The following ITGA6 variants were observed in gnomAD, a reference collection of about 807,000 sequenced individuals.
ITGA6 encodes the protein integrin alpha-6.
Under a neutral mutation model 133.6 loss-of-function variants are expected in ITGA6, and 63 were observed. The ratio of observed to expected loss-of-function variants is 0.47; its 90% CI spans 0.38 to 0.58. ITGA6 has a LOEUF of 0.58. Among genes scored for constraint, ITGA6 ranks in the 20% least tolerant of loss-of-function variants. The pLI, the probability that ITGA6 is intolerant of heterozygous loss-of-function variation, is 0.00. For missense variants in ITGA6, 1,068 were observed against 1,309.4 expected (o/e 0.82, Z 2.85); for synonymous variants, 434 against 482.0 (o/e 0.90, Z 1.30).
At chr2:172,469,476 C>T (rs1685824615) in intron 4 of ITGA6, 96 bp downstream of exon 4, 5 of 1,118,846 alleles carry the variant, frequency 4.5e-6, no homozygotes, top group East Asian at 4.8e-5. Context: ...AGAAGACATT[C>T]GTATATTATA....
Position 172,487,039 on chromosome 2 carries a change from A to G in ITGA6, c.1871A>G (p.Glu624Gly). 2 of 1,604,602 alleles carry G rather than the reference A, an allele frequency of 1.2e-6. No homozygotes were observed. Among genetic ancestry groups the G allele is most frequent in the African/African-American group, 1.3e-5 (1 of 74,842 alleles). ...TTCCTACAGGTTCACTTCTTAAAAG[A>G]GGGATGTGGAGACGACAATGTATGT... ...TAHIDVHFLK[E>G]GCGDDNVCNS... is the part of the protein sequence containing the mutation. The change falls in exon 14 of 26, where the codon GAG becomes GGG. Residue 624 changes from glutamate to glycine, a missense_variant. This residue lies in a region of ITGA6 where 609 missense variants were observed against 707.2 expected (regional missense o/e 0.86). Coordinates refer to ENST00000684293, the MANE Select transcript of ITGA6 (RefSeq NM_000210.4).
At chr2:172,478,380 G>T (rs750804182) in intron 9 of ITGA6, among the ~76,000 whole-genome samples, 11 of 152,170 alleles carry the variant, frequency 7.2e-5, no homozygotes, top group Non-Finnish European at 1.5e-4. Flanking sequence ...CTCCAGAATG[G>T]CTGGGTTTAC....
chr2:172,453,589 C>T (rs1685095223), intron 1 of ITGA6, among the ~76,000 whole-genome samples: 1 of 152,116 alleles, frequency 6.6e-6, no homozygotes, highest in Non-Finnish European at 1.5e-5. Context: ...CTAGAGCCTT[C>T]GAAGGAGCAT....
Position 172,488,218 on chromosome 2 carries a change from A to G in ITGA6, c.2495A>G (p.Tyr832Cys), listed in dbSNP as rs1362964471. The G allele has an allele frequency of 1.2e-6, 2 of 1,610,652 alleles. No individual in the cohort carries two copies. The highest frequency in any genetic ancestry group is 2.2e-5 in the South Asian group (2 of 91,008). ...SEDEVGSLIE[Y>C]EFRVINLGKP... ...GATGAAGTGGGAAGTTTAATAGAGTATGAATTCAGGGTAAGTTGGAGCAGT... is the reference window on the plus strand; with the variant it reads ...GATGAAGTGGGAAGTTTAATAGAGTGTGAATTCAGGGTAAGTTGGAGCAGT... The change falls in exon 19 of 26, where the codon TAT becomes TGT. Residue 832 changes from tyrosine to cysteine, a missense_variant. By Grantham distance (194) the Tyr-to-Cys change is radical (BLOSUM62 -2). Around this residue, in one of 3 missense-constraint regions of ITGA6, gnomAD observed 609 missense variants for 707.2 expected, o/e 0.86. Coordinates refer to ENST00000684293, the MANE Select transcript of ITGA6 (RefSeq NM_000210.4).
intron 1 of ITGA6, among the ~76,000 whole-genome samples, chr2:172,441,712 A>G (rs1055012346): frequency 3.3e-5 from 5 of 152,028 alleles, no homozygotes; most frequent in African/African-American, 9.7e-5. Flanking sequence ...TTCCACTTGT[A>G]GAAGTTGGGA....
rs1574317330 is a variant in ITGA6 at position 172,437,937 on chromosome 2, G to A, written c.182+9967G>A. On this transcript the variant is annotated intron_variant, in intron 1 of 25. Coordinates refer to ENST00000684293, the MANE Select transcript of ITGA6 (RefSeq NM_000210.4). ...AAATGACACTTACTGAGATTTGATC[G>A]CTAGATTGGCAATGTAGAAGCCACT... Among the ~76,000 whole-genome samples, 3 of 151,674 alleles carry A rather than the reference G, an allele frequency of 2.0e-5. No homozygotes were observed. The South Asian group carries it at 6.2e-4, about 32-fold the overall frequency.
chr2:172,439,732 C>G (rs1348225514), intron 1 of ITGA6, among the ~76,000 whole-genome samples: 1 of 148,402 alleles, frequency 6.7e-6, no homozygotes, highest in African/African-American at 2.4e-5. Context: ...AACCTTTTCT[C>G]TCTAGAAGGA....
intron 19 of ITGA6, among the ~76,000 whole-genome samples, chr2:172,488,781 G>T (rs1686796884): frequency 6.6e-6 from 1 of 152,184 alleles, no homozygotes; most frequent in South Asian, 2.1e-4. Context: ...TGGCAAGCAT[G>T]GGCCCACCTG....
chr2:172,502,248 A>G (rs1195830659), intron 25 of ITGA6, among the ~76,000 whole-genome samples: 1 of 152,196 alleles, frequency 6.6e-6, no homozygotes, highest in Non-Finnish European at 1.5e-5. Flanking sequence ...GTAGCATTCC[A>G]CTAGGGAATT....
chr2:172,465,711 A>G, intron 2 of ITGA6, 48 bp downstream of exon 2: 1 of 1,613,616 alleles, frequency 6.2e-7, no homozygotes, highest in Non-Finnish European at 8.5e-7. Context: ...GCTTGCCTGT[A>G]CTGTTTCCAT....
At chr2:172,479,869 T>C in intron 10 of ITGA6, 121 bp from the exon 11 acceptor site, 2 of 1,098,492 alleles carry the variant, frequency 1.8e-6, no homozygotes, top group Admixed American at 1.7e-5. Flanking sequence ...GTCTGTCAAG[T>C]GTTTTTATAA....
chr2:172,434,045 C>G (rs1231704748), intron 1 of ITGA6, among the ~76,000 whole-genome samples: 1 of 152,162 alleles, frequency 6.6e-6, no homozygotes, highest in Non-Finnish European at 1.5e-5. Flanking sequence ...CACCTCCATC[C>G]CTAGGAGGCT....
chr2:172,431,151 TCTTGA>T (rs1684091051), intron 1 of ITGA6, among the ~76,000 whole-genome samples: 1 of 152,226 alleles, frequency 6.6e-6, no homozygotes, highest in African/African-American at 2.4e-5. Context: ...CTAGGTTTGT[TCTTGA>T]CTTTTCTCAG....
intron 24 of ITGA6, among the ~76,000 whole-genome samples, chr2:172,500,107 T>C (rs1166268865): frequency 6.6e-6 from 1 of 152,212 alleles, no homozygotes; most frequent in Non-Finnish European, 1.5e-5. Context: ...TCAATGGCCC[T>C]TAAATTGGAT....
chr2:172,453,742 G>A (rs1402522441), intron 1 of ITGA6, among the ~76,000 whole-genome samples: 1 of 152,166 alleles, frequency 6.6e-6, no homozygotes, highest in African/African-American at 2.4e-5. Flanking sequence ...ATGGTTTAAG[G>A]TTTCTCAAAG....
rs56084828 is a variant in ITGA6 at position 172,491,179 on chromosome 2, A to T, written c.2779-42A>T. On this transcript the variant is annotated intron_variant, in intron 21 of 25. Coordinates refer to ENST00000684293, the MANE Select transcript of ITGA6 (RefSeq NM_000210.4). This position sits in a 1 kb window ranked among gnomAD's most constrained non-coding sequence, Gnocchi z 4.4. The stretch of plus-strand genomic sequence containing the variant: ...AGAGGATGAGGGGAAGGATTTCTTC[A>T]GAACAATGTCTTTTGATGACCATTC... 1 of 1,442,336 alleles carries T rather than the reference A, an allele frequency of 6.9e-7. No individual in the cohort carries two copies. The highest frequency in any genetic ancestry group is 1.1e-5 in the South Asian group (1 of 87,494). The allele number at this position is 1,442,336 out of a possible 1,614,324, so 89.3% of individuals were successfully genotyped here. A position where few individuals can be genotyped will look rare whatever the true frequency, so the allele number is the denominator to read the frequency against.
chr2:172,435,162 G>T (rs1445281467), intron 1 of ITGA6, among the ~76,000 whole-genome samples: 1 of 152,094 alleles, frequency 6.6e-6, no homozygotes, highest in Non-Finnish European at 1.5e-5. Flanking sequence ...AGAATCAGGA[G>T]CCCTTCTCTT....
At chr2:172,468,287 T>C (rs1444355058) in intron 3 of ITGA6, among the ~76,000 whole-genome samples, 1 of 152,060 alleles carries the variant, frequency 6.6e-6, no homozygotes, top group Non-Finnish European at 1.5e-5. Context: ...GAAAAGAGGG[T>C]TTGTTAGGTG....
intron 1 of ITGA6, among the ~76,000 whole-genome samples, chr2:172,454,523 C>A (rs538497136): frequency 1.3e-3 from 200 of 152,174 alleles, no homozygotes; most frequent in Admixed American, 3.6e-3. Flanking sequence ...TTTGGAAATA[C>A]CTAACCTGAA....
Sources: gnomAD v4.1 joint callset for allele counts (sites outside exome capture counted in the v4.1 genomes callset) on GRCh38, gnomAD v4.1.1 for gene constraint, gnomAD v4.1.1 regional missense constraint, Gnocchi (gnomAD v3.1) non-coding constraint, MANE v1.5 for transcripts, NCBI Gene and HGNC (gene_info 2026-07-23, HGNC 2026-07-21) for gene names.